Variants in DRAM1 observed in about 807,000 individuals in gnomAD.
DRAM1 encodes DNA damage regulated autophagy modulator 1, also known as DNA damage-regulated autophagy modulator protein 1.
A neutral mutation model predicts 28.5 loss-of-function variants in DRAM1; 25 were observed. That is an observed-to-expected ratio of 0.88 (90% confidence interval 0.64 to 1.23). DRAM1 has a LOEUF of 1.23. Ranked by LOEUF, DRAM1 falls within the 50% of genes most tolerant of loss-of-function variation. DRAM1 has a pLI of 0.00. For synonymous variants in DRAM1, 113 were observed against 114.2 expected (o/e 0.99, Z 0.07); for missense variants, 249 against 299.2 (o/e 0.83, Z 1.24).
rs745422010 is a variant in DRAM1, at chr12:101,908,381, T to C, written c.520+18T>C. The C allele has an allele frequency of 3.1e-6, 5 of 1,597,268 alleles. No homozygotes were observed. Among genetic ancestry groups the C allele is most frequent in the Non-Finnish European group, 4.3e-6 (5 of 1,172,870 alleles). On this transcript the variant is annotated intron_variant, in intron 4 of 6. Coordinates refer to ENST00000258534, the MANE Select transcript of DRAM1 (RefSeq NM_018370.3). Reference sequence around the variant, plus strand: ...CATCCCCAGTATCCTTTTTCACATTTGTGCCTTGTTAAAGGAATAAAACAT... The same window carrying C: ...CATCCCCAGTATCCTTTTTCACATTCGTGCCTTGTTAAAGGAATAAAACAT...
intron 3 of DRAM1, among the ~76,000 whole-genome samples, chr12:101,904,481 A>G (rs1389581000): frequency 3.0e-5 from 3 of 101,006 alleles, no homozygotes; most frequent in African/African-American, 4.1e-5. Context: ...TTGCTCTGTC[A>G]CCCAGGCTGG....
chr12:101,893,549 G>A (rs1873219415), intron 1 of DRAM1, among the ~76,000 whole-genome samples: 1 of 152,132 alleles, frequency 6.6e-6, no homozygotes, highest in Admixed American at 6.6e-5. Context: ...GGGAAGTCAG[G>A]GAGTTAAACA....
chr12:101,902,125 C>T (rs10860816), intron 3 of DRAM1, among the ~76,000 whole-genome samples: 52,322 of 151,932 alleles, frequency 0.34, 9,216 homozygotes, highest in African/African-American at 0.4. Flanking sequence ...AGGAGGCTCC[C>T]GGTGACATTT....
At position 101,923,351 on chromosome 12, in the gene DRAM1, A is replaced by G. The variant is rs570401686; in HGVS notation, c.*2091A>G. 2 of 152,294 alleles carry G rather than the reference A, an allele frequency of 1.3e-5. No individual in the cohort carries two copies. Among genetic ancestry groups the G allele is most frequent in the African/African-American group, 4.8e-5 (2 of 41,570 alleles). 9.4% of individuals were successfully genotyped at this position (152,294 alleles called of 1,614,324 possible). A position where few individuals can be genotyped will look rare whatever the true frequency, so the allele number is the denominator to read the frequency against. On this transcript the variant is annotated 3_prime_UTR_variant, in exon 7 of 7. Transcript: ENST00000258534. Reference sequence around the variant, plus strand: ...TCGGCGCTCCTCACGATGGAGTTTCATGCTTCATTTTCACATCTCTCTGCA... The same window carrying G: ...TCGGCGCTCCTCACGATGGAGTTTCGTGCTTCATTTTCACATCTCTCTGCA...
chr12:101,914,322 CT>C, intron 5 of DRAM1, 90 bp downstream of exon 5: 2 of 874,500 alleles, frequency 2.3e-6, no homozygotes, highest in Non-Finnish European at 3.4e-6. Flanking sequence ...ACTGCCGTTC[CT>C]TAGAACAAGT....
intron 5 of DRAM1, 124 bp downstream of exon 5, chr12:101,914,356 G>T: frequency 1.8e-6 from 1 of 550,906 alleles, no homozygotes. Context: ...AATAAACATG[G>T]CATGTAATCA....
intron 1 of DRAM1, among the ~76,000 whole-genome samples, chr12:101,878,986 A>AT (rs1872595400): frequency 7.5e-6 from 1 of 132,706 alleles, no homozygotes; most frequent in African/African-American, 2.8e-5. Flanking sequence ...GGGGACTAGC[A>AT]TTTTTTAAAA....
chr12:101,916,429 C>T (rs1337439170), intron 5 of DRAM1, among the ~76,000 whole-genome samples: 7 of 152,156 alleles, frequency 4.6e-5, no homozygotes, highest in Admixed American at 2.6e-4. Context: ...ACTTGCACTC[C>T]GGTGGGCCTA....
At chr12:101,920,040 T>C in intron 5 of DRAM1, 69 bp from the exon 6 acceptor site, 1 of 1,126,842 alleles carries the variant, frequency 8.9e-7, no homozygotes, top group Non-Finnish European at 1.3e-6. Flanking sequence ...AAACTCCTCA[T>C]TGTATTTCAG....
Position 101,902,348 on chromosome 12 carries a change from A to G in DRAM1, c.342+915A>G, listed in dbSNP as rs1458269515. Among the ~76,000 whole-genome samples, 3 of 152,332 alleles carry G rather than the reference A, an allele frequency of 2.0e-5. No individual in the cohort carries two copies. In the East Asian group the frequency reaches 5.8e-4, roughly 29 times the overall value. On this transcript the variant is annotated intron_variant, in intron 3 of 6. Coordinates refer to ENST00000258534, the MANE Select transcript of DRAM1 (RefSeq NM_018370.3). ...ATACTTGCCTAAGATCAGTTGAATA[A>G]TGCATGGCAGAGGCGAGCTTTGAAT...
chr12:101,904,327 T>C (rs989753016), intron 3 of DRAM1, among the ~76,000 whole-genome samples: 4 of 149,844 alleles, frequency 2.7e-5, no homozygotes, highest in Non-Finnish European at 4.4e-5. Flanking sequence ...TAAAAACTTT[T>C]AAAGTTTCCT....
intron 4 of DRAM1, among the ~76,000 whole-genome samples, chr12:101,913,265 TCCAG>T (rs1367436458): frequency 6.6e-6 from 1 of 152,128 alleles, no homozygotes; most frequent in Non-Finnish European, 1.5e-5. Context: ...AGATCTTTGG[TCCAG>T]GAAGGAAGGG....
intron 4 of DRAM1, among the ~76,000 whole-genome samples, chr12:101,909,959 A>ATCC (rs1315776663): frequency 6.6e-6 from 1 of 152,238 alleles, no homozygotes; most frequent in African/African-American, 2.4e-5. Context: ...ATCGGCGGCA[A>ATCC]TTTTGTTAGT....
intron 5 of DRAM1, among the ~76,000 whole-genome samples, chr12:101,919,273 GACACAC>G (rs570496558): frequency 2.7e-5 from 4 of 148,828 alleles, no homozygotes; most frequent in Admixed American, 2.0e-4. Context: ...CAGACACACA[GACACAC>G]ACACGCACAC....
At chr12:101,885,652 G>A (rs1872860142) in intron 1 of DRAM1, among the ~76,000 whole-genome samples, 1 of 151,068 alleles carries the variant, frequency 6.6e-6, no homozygotes, top group South Asian at 2.1e-4. Context: ...TCAGCCTCCT[G>A]AGTAGCCAGG....
chr12:101,911,031 T>C (rs975614504), intron 4 of DRAM1, among the ~76,000 whole-genome samples: 2 of 151,870 alleles, frequency 1.3e-5, no homozygotes. Context: ...AGGTCAGGAG[T>C]TCGGGACCAA....
chr12:101,879,572 C>T (rs9971823), intron 1 of DRAM1, among the ~76,000 whole-genome samples: 13,062 of 152,248 alleles, frequency 0.086, 684 homozygotes, highest in South Asian at 0.16. Context: ...TGAGCCACCA[C>T]GCCTGGCCCT....
At chr12:101,907,346 C>T (rs1402609841) in intron 3 of DRAM1, among the ~76,000 whole-genome samples, 2 of 151,768 alleles carry the variant, frequency 1.3e-5, no homozygotes, top group East Asian at 1.9e-4. Flanking sequence ...AACCCCAAAC[C>T]ACCCTTGGCA....
At position 101,921,344 on chromosome 12, in the gene DRAM1, A is replaced by C. The variant is rs1331492175; in HGVS notation, c.*84A>C. 3.7e-6 allele frequency: 4 copies of C among 1,079,928 alleles called. 1 individual carries two copies. The African/African-American group carries it at 6.3e-5, about 17-fold the overall frequency. The allele number at this position is 1,079,928 out of a possible 1,614,324, so 66.9% of individuals were successfully genotyped here. A position where few individuals can be genotyped will look rare whatever the true frequency, so the allele number is the denominator to read the frequency against. ...AGAGGACAGACAGGGTTTTGAGGCC[A>C]CCCTGATTATTGGGATGCATCTGCA... On this transcript the variant is annotated 3_prime_UTR_variant, in exon 7 of 7. Transcript: ENST00000258534.
Sources: allele counts gnomAD v4.1 joint callset (sites outside exome capture counted in the v4.1 genomes callset), GRCh38; gene constraint gnomAD v4.1.1; transcripts MANE v1.5; gene names NCBI Gene and HGNC (gene_info 2026-07-23, HGNC 2026-07-21).